Variants in ITSN1 observed in about 807,000 individuals in gnomAD.
ITSN1 encodes intersectin-1.
ITSN1 carries 58 observed loss-of-function variants against 239.8 expected under a neutral mutation model. The ratio of observed to expected loss-of-function variants is 0.24; its 90% CI spans 0.20 to 0.30. ITSN1 has a LOEUF of 0.30. Ranked by LOEUF, ITSN1 falls within the 10% of genes least tolerant of loss-of-function variation. The pLI, the probability that ITSN1 is intolerant of heterozygous loss-of-function variation, is 1.00. For missense variants in ITSN1, 1,558 were observed against 2,103.3 expected (o/e 0.74, Z 5.07); for synonymous variants, 780 against 770.8 (o/e 1.01, Z -0.20).
chr21:33,708,280 A>T (rs765604878), intron 1 of ITSN1, among the ~76,000 whole-genome samples: 41 of 150,792 alleles, frequency 2.7e-4, no homozygotes, highest in Non-Finnish European at 4.0e-4. Flanking sequence ...ATGTGTTGCA[A>T]GTAAGTGTTT....
chr21:33,780,460 A>AT (rs1274496279), intron 14 of ITSN1, among the ~76,000 whole-genome samples: 2 of 151,558 alleles, frequency 1.3e-5, no homozygotes, highest in East Asian at 1.9e-4. Context: ...TTTTATCAAG[A>AT]TTTTTTTTTC....
At position 33,766,621 on chromosome 21, in the gene ITSN1, A is replaced by AT. The variant is rs769593636; in HGVS notation, c.926+611dup. Among the ~76,000 whole-genome samples, 5 of 152,344 alleles carry AT rather than the reference A, an allele frequency of 3.3e-5. No individual in the cohort carries two copies. The East Asian group carries it at 5.8e-4, about 18-fold the overall frequency. On this transcript the variant is annotated intron_variant, in intron 10 of 39. Transcript: ENST00000381318. ...AAGTACAAAGGAGAATGAAAGAAAG[A>AT]TTAAGATTTCTGACCTGAGTCCTCA...
intron 8 of ITSN1, among the ~76,000 whole-genome samples, chr21:33,759,135 C>T (rs1419665135): frequency 6.6e-6 from 1 of 152,214 alleles, no homozygotes; most frequent in Non-Finnish European, 1.5e-5. Context: ...TTCTCTGCTG[C>T]AACTACTCAA....
intron 24 of ITSN1, among the ~76,000 whole-genome samples, chr21:33,819,767 G>C (rs2073536935): frequency 6.6e-6 from 1 of 151,996 alleles, no homozygotes; most frequent in Admixed American, 6.6e-5. Context: ...TGGATCATGA[G>C]GTCAGGAGAT....
In ITSN1 at chr21:33,707,469, A is replaced by G. The variant is rs945717605; in HGVS notation, c.-32-11328A>G. On this transcript the variant is annotated intron_variant, in intron 1 of 39. Transcript: ENST00000381318. ...GTTTGGTTAGTTTTGACATGAGCAT[A>G]TGCCTGTGAAATCATCATTCCCAAG... Among the ~76,000 whole-genome samples, 33 of 152,244 alleles carry G rather than the reference A, an allele frequency of 2.2e-4. 1 individual carries two copies. Among genetic ancestry groups the G allele is most frequent in the South Asian group, 1.9e-3 (9 of 4,818 alleles).
intron 35 of ITSN1, among the ~76,000 whole-genome samples, chr21:33,883,349 T>G (rs1185167179): frequency 1.3e-5 from 2 of 152,224 alleles, no homozygotes; most frequent in African/African-American, 4.8e-5. Context: ...GCCCTTAGTC[T>G]GGTTTACTGG....
intron 5 of ITSN1, among the ~76,000 whole-genome samples, chr21:33,743,824 G>A (rs1002655623): frequency 1.4e-4 from 22 of 152,200 alleles, no homozygotes; most frequent in African/African-American, 5.1e-4. Context: ...CTTTCTGCTA[G>A]AAGAAAATGG....
intron 1 of ITSN1, among the ~76,000 whole-genome samples, chr21:33,694,130 C>T (rs1288728686): frequency 1.3e-5 from 2 of 152,206 alleles, no homozygotes; most frequent in African/African-American, 4.8e-5. Context: ...CCTTCCACCT[C>T]AGCCTCCCAA....
intron 20 of ITSN1, among the ~76,000 whole-genome samples, chr21:33,806,839 C>G (rs1157409297): frequency 6.6e-6 from 1 of 152,182 alleles, no homozygotes; most frequent in Non-Finnish European, 1.5e-5. Flanking sequence ...CACGTTGGAA[C>G]CAGTCATATT....
At chr21:33,726,678 T>A (rs756166002) in intron 4 of ITSN1, among the ~76,000 whole-genome samples, 7 of 152,026 alleles carry the variant, frequency 4.6e-5, no homozygotes, top group Non-Finnish European at 1.0e-4. Flanking sequence ...TACACCACCA[T>A]GCCTGGCTAA....
Position 33,823,600 on chromosome 21 carries a change from G to C in ITSN1, c.3130G>C (p.Gly1044Arg), listed in dbSNP as rs746443067. The C allele has an allele frequency of 6.2e-7, 1 of 1,614,178 alleles. No homozygotes were observed. ...KDGDWWTGTV[G>R]DKAGVFPSNY... ...TGGTGACTGGTGGACAGGAACAGTG[G>C]GCGACAAGGCCGGAGTCTTCCCTTC... Residue 1044 changes from glycine to arginine, a missense_variant, in exon 25 of 40, where the codon GGC (glycine) becomes CGC (arginine). Transcript: ENST00000381318.
rs2069498322 is a variant in ITSN1 at position 33,775,120 on chromosome 21, T to C, written c.1596+12T>C. 17 of 1,602,574 alleles carry C rather than the reference T, an allele frequency of 1.1e-5. No homozygotes were observed. The highest frequency in any genetic ancestry group is 1.4e-5 in the Non-Finnish European group (17 of 1,176,758). ...AGCAACAATTACAGGTGAGGAAATATGCCTCTTAAAAGCTATTATATTAAA... is the reference window on the plus strand; with the variant it reads ...AGCAACAATTACAGGTGAGGAAATACGCCTCTTAAAAGCTATTATATTAAA... On this transcript the variant is annotated intron_variant, in intron 14 of 39. Coordinates refer to ENST00000381318, the MANE Select transcript of ITSN1 (RefSeq NM_003024.3).
chr21:33,721,789 A>G (rs1158892353), intron 3 of ITSN1: 1 of 151,830 alleles, frequency 6.6e-6, no homozygotes, highest in Non-Finnish European at 1.5e-5. Context: ...GCGAGACTCC[A>G]TCTCAAAAAT....
chr21:33,840,795 G>A (rs1162177498), intron 29 of ITSN1, among the ~76,000 whole-genome samples: 2 of 152,232 alleles, frequency 1.3e-5, no homozygotes, highest in Non-Finnish European at 2.9e-5. Flanking sequence ...ACTGTGCCCA[G>A]TCTGTTTTGT....
At chr21:33,726,144 C>T (rs941289054) in intron 4 of ITSN1, among the ~76,000 whole-genome samples, 8 of 152,178 alleles carry the variant, frequency 5.3e-5, no homozygotes, top group Admixed American at 3.3e-4. Flanking sequence ...CAGGTGCCCA[C>T]GACCATGCCC....
rs568866061 is a variant in ITSN1 at position 33,666,714 on chromosome 21, C to G, written c.-33+24001C>G. The stretch of plus-strand genomic sequence containing the variant: ...TATTCTCAAAGGGTATTGTGGAGCC[C>G]TTGGGGCTCCTTATGACCTTTTCAA... On this transcript the variant is annotated intron_variant, in intron 1 of 39. Transcript: ENST00000381318. 2.0e-5 allele frequency among the ~76,000 whole-genome samples: 3 copies of G among 152,294 alleles called. No individual in the cohort carries two copies. The South Asian group carries it at 6.2e-4, about 32-fold the overall frequency.
At chr21:33,746,002 C>T (rs990282550) in intron 5 of ITSN1, among the ~76,000 whole-genome samples, 2 of 152,156 alleles carry the variant, frequency 1.3e-5, no homozygotes, top group East Asian at 3.8e-4. Flanking sequence ...AGAAAGGAAG[C>T]CTTACTGACT....
intron 19 of ITSN1, 102 bp from the exon 20 acceptor site, chr21:33,802,328 C>A: frequency 8.6e-7 from 1 of 1,166,446 alleles, no homozygotes; most frequent in Non-Finnish European, 1.3e-6. Flanking sequence ...AGTTAACCAC[C>A]AGCTTGATGA....
intron 5 of ITSN1, among the ~76,000 whole-genome samples, chr21:33,745,082 A>G (rs755549624): frequency 2.0e-5 from 3 of 152,250 alleles, no homozygotes; most frequent in Non-Finnish European, 4.4e-5. Flanking sequence ...ATAAATGAAT[A>G]AATATAGGCG....
Sources: allele counts gnomAD v4.1 joint callset (sites outside exome capture counted in the v4.1 genomes callset), GRCh38; gene constraint gnomAD v4.1.1; transcripts MANE v1.5; gene names NCBI Gene and HGNC (gene_info 2026-07-23, HGNC 2026-07-21).